The following ANO4 variants were observed in gnomAD, a reference collection of about 807,000 sequenced individuals.
ANO4 encodes anoctamin 4.
In ANO4, 69 loss-of-function variants were observed where a neutral mutation model predicts 141.9. That is an observed-to-expected ratio of 0.49 (90% CI 0.40 to 0.59). ANO4 has a LOEUF of 0.59. Among genes scored for constraint, ANO4 ranks in the 20% least tolerant of loss-of-function variants. The probability of loss-of-function intolerance (pLI) is 0.00; values close to 1 mark genes in which losing one functional copy is unlikely to be tolerated. For synonymous variants in ANO4, 350 were observed against 394.3 expected (o/e 0.89, Z 1.33); for missense variants, 894 against 1,162.2 (o/e 0.77, Z 3.36).
At chr12:100,861,823 T>C in intron 1 of ANO4, among the ~76,000 whole-genome samples, 1 of 152,218 alleles carries the variant, frequency 6.6e-6, no homozygotes, top group East Asian at 1.9e-4. Context: ...TTCTATAAGT[T>C]TTTTTCTATT....
intron 1 of ANO4, 123 bp from the exon 2 acceptor site, chr12:100,901,523 T>C (rs1418559459): frequency 1.9e-6 from 1 of 527,934 alleles, no homozygotes; most frequent in African/African-American, 1.9e-5. Flanking sequence ...TTTTGAGTGA[T>C]GCATACCTTA....
chr12:100,799,578 G>C (rs545108915), intron 1 of ANO4, among the ~76,000 whole-genome samples: 1 of 151,952 alleles, frequency 6.6e-6, no homozygotes, highest in Non-Finnish European at 1.5e-5. Flanking sequence ...TCCATCTTAC[G>C]AAAAATACAA....
At chr12:100,923,041 T>C (rs2041697686) in intron 3 of ANO4, among the ~76,000 whole-genome samples, 1 of 152,146 alleles carries the variant, frequency 6.6e-6, no homozygotes, top group African/African-American at 2.4e-5. Context: ...ATAATTTATC[T>C]CATGTTGGAT....
chr12:100,731,570 A>G (rs1009300132), intron 1 of ANO4, among the ~76,000 whole-genome samples: 2 of 152,218 alleles, frequency 1.3e-5, no homozygotes, highest in Non-Finnish European at 2.9e-5. Context: ...GGGTAATTTA[A>G]TAATGACTTG....
upstream of ANO4, among the ~76,000 whole-genome samples, chr12:100,790,709 T>C (rs1466363543): frequency 6.6e-6 from 1 of 152,240 alleles, no homozygotes; most frequent in Non-Finnish European, 1.5e-5. Context: ...GATTTGATTT[T>C]GATGATCCCA....
chr12:100,736,483 C>A (rs915833186), intron 2 of ANO4, among the ~76,000 whole-genome samples: 1 of 152,110 alleles, frequency 6.6e-6, no homozygotes, highest in African/African-American at 2.4e-5. Flanking sequence ...TCATTGGGCT[C>A]CTATTGGATG....
At chr12:100,979,972 C>T (rs2044381890) in intron 7 of ANO4, among the ~76,000 whole-genome samples, 1 of 150,602 alleles carries the variant, frequency 6.6e-6, no homozygotes, top group African/African-American at 2.4e-5. Flanking sequence ...GATCTCTTGA[C>T]CTCGTGATCC....
In ANO4 at chr12:100,934,229, A is replaced by G. The variant is rs188335568; in HGVS notation, c.161-5086A>G. On this transcript the variant is annotated intron_variant, in intron 3 of 27. Transcript: ENST00000392977. ...TTTCTTCTAGGGTTTTTATGGTTTT[A>G]GGTCTAACATTTCAATCTTTAATCC... Among the ~76,000 whole-genome samples the G allele has an allele frequency of 4.4e-3, 666 of 152,280 alleles. 6 individuals carry two copies. The highest frequency in any genetic ancestry group is 0.016 in the African/African-American group (647 of 41,564).
At position 100,901,695 on chromosome 12, in the gene ANO4, A is replaced by G. The variant is rs748409558; in HGVS notation, c.-91A>G. On this transcript the variant is annotated 5_prime_UTR_variant, in exon 2 of 28. Coordinates refer to ENST00000392977, the MANE Select transcript of ANO4 (RefSeq NM_001286615.2). ...CTGAAAAGCGTTTGCAAATCCATCA[A>G]CGGCGAAGTGTGGCAAGCCGCCCAG... is the stretch of plus-strand genomic sequence containing the variant. 8.8e-7 allele frequency: 1 copy of G among 1,134,488 alleles called. No individual in the cohort carries two copies. The highest frequency in any genetic ancestry group is 1.2e-5 in the South Asian group (1 of 81,334). 70.3% of individuals were successfully genotyped at this position (1,134,488 alleles called of 1,614,324 possible).
At chr12:101,022,310 C>T (rs1206438674) in intron 9 of ANO4, among the ~76,000 whole-genome samples, 1 of 152,140 alleles carries the variant, frequency 6.6e-6, no homozygotes, top group East Asian at 1.9e-4. Context: ...TGTGACCATT[C>T]CAGCTTGAAT....
At chr12:100,900,566 T>C (rs1230848160) in intron 1 of ANO4, among the ~76,000 whole-genome samples, 2 of 151,588 alleles carry the variant, frequency 1.3e-5, no homozygotes, top group African/African-American at 4.9e-5. Flanking sequence ...GGTTTTTCTG[T>C]CCGTCAATGA....
In ANO4 at chr12:100,885,795, C is replaced by T. The variant is rs568234693; in HGVS notation, c.-140-15851C>T. On this transcript the variant is annotated intron_variant, in intron 1 of 27. Transcript: ENST00000392977. ...TATCTGTGATTTCTTGTATTTTCTT[C>T]GGAAGTTGCAGCTTCTCTCAAAGCT... 1.6e-4 allele frequency among the ~76,000 whole-genome samples: 25 copies of T among 152,244 alleles called. No individual in the cohort carries two copies. In the South Asian group the frequency reaches 3.3e-3, roughly 20 times the overall value.
chr12:100,876,108 G>A (rs535870925), intron 1 of ANO4, among the ~76,000 whole-genome samples: 1 of 152,180 alleles, frequency 6.6e-6, no homozygotes, highest in South Asian at 2.1e-4. Context: ...AAATTACTTA[G>A]TAAGTGCTCC....
At chr12:100,806,524 GTTTTTT>G (rs763949654) in intron 1 of ANO4, among the ~76,000 whole-genome samples, 27 of 59,846 alleles carry the variant, frequency 4.5e-4, no homozygotes, top group African/African-American at 6.2e-4. Flanking sequence ...TTTTTGTTTC[GTTTTTT>G]TTTTTTTTTT....
At chr12:100,769,761 G>C (rs995628289) in intron 3 of ANO4, among the ~76,000 whole-genome samples, 24 of 152,142 alleles carry the variant, frequency 1.6e-4, no homozygotes, top group African/African-American at 5.6e-4. Context: ...GTGTGGTAGA[G>C]CTGCATTAAG....
At chr12:100,799,448 CA>C (rs954070550) in intron 1 of ANO4, among the ~76,000 whole-genome samples, 2 of 152,066 alleles carry the variant, frequency 1.3e-5, no homozygotes, top group African/African-American at 4.8e-5. Context: ...TTGTGATTAT[CA>C]AAAAGGACCT....
chr12:101,045,784 A>G (rs2047603118), intron 13 of ANO4, among the ~76,000 whole-genome samples: 1 of 152,210 alleles, frequency 6.6e-6, no homozygotes, highest in Admixed American at 6.5e-5. Flanking sequence ...CCCTGCCCAC[A>G]TGATCATTCT....
At chr12:100,924,419 T>G (rs2041776722) in intron 3 of ANO4, among the ~76,000 whole-genome samples, 1 of 152,148 alleles carries the variant, frequency 6.6e-6, no homozygotes, top group Admixed American at 6.6e-5. Flanking sequence ...TGATGGCTGT[T>G]TGTTCCTTCA....
intron 5 of ANO4, among the ~76,000 whole-genome samples, chr12:100,943,973 C>T (rs182496842): frequency 1.7e-4 from 26 of 152,180 alleles, no homozygotes; most frequent in Non-Finnish European, 3.2e-4. Flanking sequence ...AATGGAAGTC[C>T]TCCCTCTGAC....
Sources: gnomAD v4.1 joint callset for allele counts (sites outside exome capture counted in the v4.1 genomes callset) on GRCh38, gnomAD v4.1.1 for gene constraint, MANE v1.5 for transcripts, NCBI Gene and HGNC (gene_info 2026-07-23, HGNC 2026-07-21) for gene names.